AGTPBP1: variants seen among roughly 807,000 people sequenced by gnomAD.
AGTPBP1 encodes the protein cytosolic carboxypeptidase 1.
A neutral mutation model predicts 143.9 loss-of-function variants in AGTPBP1; 70 were observed. The ratio of observed to expected loss-of-function variants is 0.49; its 90% CI spans 0.40 to 0.59. The LOEUF is 0.59. Ranked by LOEUF, AGTPBP1 falls within the 20% of genes least tolerant of loss-of-function variation. The pLI is 0.00. For missense variants in AGTPBP1, 1,229 were observed against 1,464.5 expected (o/e 0.84, Z 2.62); for synonymous variants, 463 against 500.2 (o/e 0.93, Z 0.99).
intron 18 of AGTPBP1, among the ~76,000 whole-genome samples, chr9:85,595,121 T>C (rs1256116244): frequency 1.3e-5 from 2 of 152,206 alleles, no homozygotes; most frequent in Non-Finnish European, 2.9e-5. Context: ...ATTTTGCTAA[T>C]AAGAGTAAGG....
chr9:85,555,679 C>T (rs1026695419), intron 25 of AGTPBP1, among the ~76,000 whole-genome samples: 7 of 152,020 alleles, frequency 4.6e-5, no homozygotes, highest in African/African-American at 1.7e-4. Flanking sequence ...AAAGTGCCAG[C>T]GAGGGGGGCG....
chr9:85,660,892 C>T (rs1375164045), intron 9 of AGTPBP1, 44 bp downstream of exon 9: 1 of 1,353,240 alleles, frequency 7.4e-7, no homozygotes, highest in African/African-American at 1.5e-5. Context: ...AAATAGAATT[C>T]TCAGAAAAAT....
At chr9:85,602,096 G>A (rs1048901950) in intron 17 of AGTPBP1, among the ~76,000 whole-genome samples, 1 of 152,004 alleles carries the variant, frequency 6.6e-6, no homozygotes, top group African/African-American at 2.4e-5. Flanking sequence ...GAAAAAACAA[G>A]AAAATATGAC....
rs200436624 is a variant in AGTPBP1, at chr9:85,725,307, T to TA, written c.-33-12742dup. Among the ~76,000 whole-genome samples, 388 of 151,474 alleles carry TA rather than the reference T, an allele frequency of 2.6e-3. 2 individuals are homozygous for TA. The highest frequency in any genetic ancestry group is 2.1e-3 in the Non-Finnish European group (143 of 67,802). ...GAGATCAGAAATTTAACAAAAAAAT[T>TA]AAAAAAAAAATTTTTTTAACTTTTG... On this transcript the variant is annotated intron_variant, in intron 1 of 25. Transcript: ENST00000357081.
intron 25 of AGTPBP1, among the ~76,000 whole-genome samples, chr9:85,570,957 A>G (rs887410631): frequency 6.6e-6 from 1 of 152,200 alleles, no homozygotes; most frequent in African/African-American, 2.4e-5. Context: ...CAGGTTTCTC[A>G]CTGTTAAGGA....
chr9:85,729,928 TG>T (rs1838769262), intron 1 of AGTPBP1, among the ~76,000 whole-genome samples: 1 of 152,102 alleles, frequency 6.6e-6, no homozygotes, highest in Admixed American at 6.5e-5. Context: ...TTAGAAAAGT[TG>T]GGGCAGTCAC....
chr9:85,579,935 T>C (rs1471485552), intron 23 of AGTPBP1, among the ~76,000 whole-genome samples: 1 of 151,646 alleles, frequency 6.6e-6, no homozygotes, highest in African/African-American at 2.4e-5. Flanking sequence ...ATAGTAAACA[T>C]GGAACTGTAC....
intron 23 of AGTPBP1, among the ~76,000 whole-genome samples, chr9:85,582,607 G>A (rs910032545): frequency 3.3e-5 from 5 of 151,904 alleles, no homozygotes; most frequent in Non-Finnish European, 7.4e-5. Flanking sequence ...TTGAACCAGG[G>A]AGACGGAGGC....
chr9:85,754,393 T>C, the AGTPBP1 span, among the ~76,000 whole-genome samples: 1 of 152,186 alleles, frequency 6.6e-6, no homozygotes. Flanking sequence ...GGTTTCACCA[T>C]GTTAGCCAGG....
intron 1 of AGTPBP1, among the ~76,000 whole-genome samples, chr9:85,722,988 G>A (rs1159924682): frequency 6.6e-6 from 1 of 152,144 alleles, no homozygotes; most frequent in African/African-American, 2.4e-5. Flanking sequence ...GTTTGCCTAG[G>A]TATCACCAGC....
At chr9:85,767,381 C>T in the AGTPBP1 span, among the ~76,000 whole-genome samples, 3 of 142,898 alleles carry the variant, frequency 2.1e-5, no homozygotes, top group Non-Finnish European at 3.0e-5. Flanking sequence ...CTGAGTCTTG[C>T]TCTGTCACCA....
chr9:85,719,667 G>A (rs1345674028), intron 1 of AGTPBP1, among the ~76,000 whole-genome samples: 1 of 152,184 alleles, frequency 6.6e-6, no homozygotes, highest in Admixed American at 6.5e-5. Flanking sequence ...TCTCTTGCCT[G>A]ATTGCCCTGG....
intron 1 of AGTPBP1, among the ~76,000 whole-genome samples, chr9:85,718,889 C>T (rs945055294): frequency 6.6e-6 from 1 of 152,272 alleles, no homozygotes; most frequent in East Asian, 1.9e-4. Context: ...CTACATATGG[C>T]TCGCCAGTTT....
At chr9:85,711,302 C>A (rs1483974635) in intron 2 of AGTPBP1, among the ~76,000 whole-genome samples, 1 of 152,120 alleles carries the variant, frequency 6.6e-6, no homozygotes, top group Non-Finnish European at 1.5e-5. Context: ...AAGACAATTT[C>A]AATATACAAT....
chr9:85,759,354 T>C, the AGTPBP1 span, among the ~76,000 whole-genome samples: 1 of 152,204 alleles, frequency 6.6e-6, no homozygotes, highest in East Asian at 1.9e-4. Context: ...ATTCCAAAAT[T>C]GACCACATAG....
chr9:85,692,376 T>A (rs1003757730), intron 3 of AGTPBP1, among the ~76,000 whole-genome samples: 1 of 151,528 alleles, frequency 6.6e-6, no homozygotes, highest in African/African-American at 2.4e-5. Flanking sequence ...TGGGTTCCAG[T>A]GATTCTCCTG....
At chr9:85,672,830 G>A in intron 6 of AGTPBP1, 149 bp from the exon 7 acceptor site, 1 of 539,878 alleles carries the variant, frequency 1.9e-6, no homozygotes, top group Non-Finnish European at 3.1e-6. Context: ...TGGCTCCCAG[G>A]TTGAAGCAAT....
Position 85,562,931 on chromosome 9 carries a change from G to A in AGTPBP1, c.3503+12384C>T, listed in dbSNP as rs371122554. Among the ~76,000 whole-genome samples the A allele has an allele frequency of 3.0e-4, 45 of 152,208 alleles. 1 individual carries two copies. Among genetic ancestry groups the A allele is most frequent in the African/African-American group, 1.0e-3 (42 of 41,546 alleles). ...TCACAACAGCAGAGCCCTCTTGAAT[G>A]GGATTAGTGCCCTTATAAAAGAGAC... On this transcript the variant is annotated intron_variant, in intron 25 of 25. Transcript: ENST00000357081.
chr9:85,667,845 A>G (rs1284097981), intron 8 of AGTPBP1, among the ~76,000 whole-genome samples: 1 of 151,716 alleles, frequency 6.6e-6, no homozygotes, highest in Non-Finnish European at 1.5e-5. Context: ...ATTATGAGAC[A>G]TATCAATCAA....
Sources: allele counts gnomAD v4.1 joint callset (sites outside exome capture counted in the v4.1 genomes callset), GRCh38; gene constraint gnomAD v4.1.1; transcripts MANE v1.5; gene names NCBI Gene and HGNC (gene_info 2026-07-23, HGNC 2026-07-21).